ZMYM2: variants seen among roughly 807,000 people sequenced by gnomAD.
ZMYM2 encodes the protein zinc finger MYM-type protein 2.
In ZMYM2, 56 loss-of-function variants were observed where a neutral mutation model predicts 162.8. The observed-to-expected ratio is 0.34, with a 90% CI of 0.28 to 0.43. The LOEUF is 0.43. ZMYM2 is among the 20% of genes least tolerant of loss of function. ZMYM2 has a pLI of 1.00. For missense variants in ZMYM2, 1,275 were observed against 1,621.8 expected, an observed-to-expected ratio of 0.79 and a Z score of 3.67; for synonymous variants, 510 against 541.6, an observed-to-expected ratio of 0.94 and a Z score of 0.81.
At chr13:20,017,406 T>A (rs1379292432) in intron 6 of ZMYM2, among the ~76,000 whole-genome samples, 1 of 152,230 alleles carries the variant, frequency 6.6e-6, no homozygotes. Context: ...CAAGATTTTT[T>A]TCTTTGTCTT....
chr13:20,088,296 G>A lies in ZMYM2; in HGVS notation c.*2282G>A, dbSNP rs1958384617. 1 of 207,702 alleles carries A rather than the reference G, an allele frequency of 4.8e-6. No individual in the cohort carries two copies. Among genetic ancestry groups the A allele is most frequent in the Admixed American group, 5.9e-5 (1 of 16,918 alleles). 12.9% of individuals were successfully genotyped at this position (207,702 alleles called of 1,614,324 possible). A position where few individuals can be genotyped will look rare whatever the true frequency, so the allele number is the denominator to read the frequency against. On this transcript the variant is annotated 3_prime_UTR_variant, in exon 25 of 25. Coordinates refer to ENST00000610343, the MANE Select transcript of ZMYM2 (RefSeq NM_197968.4). ...CTAGAACACATTTCATTGATTCTTG[G>A]ATCTTAGTTTATGTGGTCATAGTTG... is the stretch of plus-strand genomic sequence containing the variant.
At chr13:19,991,699 T>C (rs1949643526) in intron 2 of ZMYM2, among the ~76,000 whole-genome samples, 1 of 150,076 alleles carries the variant, frequency 6.7e-6, no homozygotes, top group South Asian at 2.1e-4. Flanking sequence ...GGCACAATCA[T>C]GGCTGACATC....
At chr13:20,085,646 T>C (rs907504189) in intron 24 of ZMYM2, among the ~76,000 whole-genome samples, 176 bp from the exon 25 acceptor site, 1 of 152,166 alleles carries the variant, frequency 6.6e-6, no homozygotes, top group Non-Finnish European at 1.5e-5. Context: ...GGAAATAATC[T>C]CTATCTCAGA....
intron 14 of ZMYM2, 102 bp from the exon 15 acceptor site, chr13:20,058,472 CT>C: frequency 7.2e-7 from 1 of 1,389,772 alleles, no homozygotes; most frequent in Non-Finnish European, 9.6e-7. Context: ...TCCTCTTCTG[CT>C]TTTGTGTGTT....
chr13:19,897,075 A>G, the ZMYM2 span, among the ~76,000 whole-genome samples: 1 of 151,148 alleles, frequency 6.6e-6, no homozygotes, highest in African/African-American at 2.4e-5. Flanking sequence ...TCTGCCTCAA[A>G]AAAAAAAAAA....
the ZMYM2 span, among the ~76,000 whole-genome samples, chr13:19,893,544 C>T: frequency 1.3e-4 from 20 of 151,952 alleles, 1 homozygote; most frequent in African/African-American, 4.4e-4. Context: ...TAGAAATCAG[C>T]CGGGCCAGCA....
chr13:20,042,401 C>G (rs1470465947), intron 12 of ZMYM2, among the ~76,000 whole-genome samples: 1 of 152,080 alleles, frequency 6.6e-6, no homozygotes, highest in Non-Finnish European at 1.5e-5. Context: ...TTTTTCAGCT[C>G]TATCAGGTCA....
the ZMYM2 span, among the ~76,000 whole-genome samples, chr13:19,923,734 G>A: frequency 2.2e-5 from 3 of 134,714 alleles, no homozygotes; most frequent in East Asian, 6.9e-4. Context: ...GCAGTGGCAT[G>A]ATCTTGGCTC....
the ZMYM2 span, among the ~76,000 whole-genome samples, chr13:19,883,945 C>CG: frequency 2.0e-5 from 3 of 152,124 alleles, no homozygotes; most frequent in Non-Finnish European, 2.9e-5. Context: ...TTAGTACAGA[C>CG]GGGGTTTCAC....
the ZMYM2 span, among the ~76,000 whole-genome samples, chr13:19,887,781 C>T: frequency 6.6e-6 from 1 of 151,870 alleles, no homozygotes; most frequent in South Asian, 2.1e-4. Context: ...TCGTTTTAAA[C>T]ATCTCTGATG....
At chr13:20,051,647 T>C (rs1955357484) in intron 13 of ZMYM2, 49 bp downstream of exon 13, 1 of 1,523,942 alleles carries the variant, frequency 6.6e-7, no homozygotes, top group African/African-American at 1.4e-5. Flanking sequence ...CATCAGTCTT[T>C]ACGTAGTTTT....
chr13:19,958,592 G>A (rs1347685001), upstream of ZMYM2: 1 of 151,968 alleles, frequency 6.6e-6, no homozygotes, highest in African/African-American at 2.4e-5. Context: ...CCCTACCGAG[G>A]GGGGGCCCTG....
intron 2 of ZMYM2, among the ~76,000 whole-genome samples, chr13:19,985,664 G>A (rs1949073013): frequency 6.6e-6 from 1 of 150,520 alleles, no homozygotes; most frequent in Non-Finnish European, 1.5e-5. Flanking sequence ...ATCATGCCAC[G>A]GCACTCCAGC....
chr13:19,904,566 A>T, the ZMYM2 span, among the ~76,000 whole-genome samples: 20 of 152,158 alleles, frequency 1.3e-4, no homozygotes, highest in South Asian at 3.1e-3. Context: ...CTCAAAAAAA[A>T]TTTTTTTTAA....
chr13:20,079,874 A>G (rs539532308), intron 21 of ZMYM2, among the ~76,000 whole-genome samples: 1 of 152,356 alleles, frequency 6.6e-6, no homozygotes, highest in South Asian at 2.1e-4. Context: ...TAATTATTTC[A>G]GAATCATTTC....
At chr13:19,973,016 A>C (rs1039664220) in intron 2 of ZMYM2, among the ~76,000 whole-genome samples, 2 of 150,790 alleles carry the variant, frequency 1.3e-5, no homozygotes, top group Admixed American at 1.3e-4. Context: ...GGCTCACTGC[A>C]ACCTCTACCT....
chr13:20,046,631 G>GTA (rs1566388151), intron 12 of ZMYM2, among the ~76,000 whole-genome samples: 1 of 144,558 alleles, frequency 6.9e-6, no homozygotes, highest in Non-Finnish European at 1.5e-5. Context: ...ATATATATGT[G>GTA]TATATATATG....
chr13:20,042,733 T>A (rs1413255988), intron 12 of ZMYM2, among the ~76,000 whole-genome samples: 2 of 151,968 alleles, frequency 1.3e-5, no homozygotes, highest in East Asian at 1.9e-4. Context: ...TATTTTTTTT[T>A]ATTTTTTTGA....
the ZMYM2 span, among the ~76,000 whole-genome samples, chr13:19,905,553 C>T: frequency 2.2e-4 from 33 of 152,238 alleles, no homozygotes; most frequent in African/African-American, 5.8e-4. Context: ...GGCCAGATAC[C>T]GGAGCAGGAG....
Sources: allele counts gnomAD v4.1 joint callset (sites outside exome capture counted in the v4.1 genomes callset), GRCh38; gene constraint gnomAD v4.1.1; transcripts MANE v1.5; gene names NCBI Gene and HGNC (gene_info 2026-07-23, HGNC 2026-07-21).